SOX6: variants seen among roughly 807,000 people sequenced by gnomAD.
SOX6 encodes the protein SRY-box transcription factor 6, also known as transcription factor SOX-6.
SOX6 carries 11 observed loss-of-function variants against 97.8 expected under a neutral mutation model. The ratio of observed to expected loss-of-function variants is 0.11; its 90% CI spans 0.07 to 0.19. SOX6 has a LOEUF of 0.19. Ranked by LOEUF, SOX6 falls within the 10% of genes least tolerant of loss-of-function variation. SOX6 has a pLI of 1.00. For synonymous variants in SOX6, 360 were observed against 371.4 expected (o/e 0.97, Z 0.35); for missense variants, 810 against 1,039.5 (o/e 0.78, Z 3.04).
intron 3 of SOX6, among the ~76,000 whole-genome samples, chr11:16,690,218 C>T (rs1848002128): frequency 6.6e-6 from 1 of 152,176 alleles, no homozygotes; most frequent in Non-Finnish European, 1.5e-5. Context: ...AGCCTTGTCC[C>T]ATGATTTTTT....
At chr11:16,542,099 T>C (rs1251904408) in intron 4 of SOX6, among the ~76,000 whole-genome samples, 5 of 152,026 alleles carry the variant, frequency 3.3e-5, no homozygotes, top group African/African-American at 1.2e-4. Context: ...ATTAAGAAAA[T>C]ATGGCACATA....
intron 4 of SOX6, among the ~76,000 whole-genome samples, chr11:16,198,440 A>G (rs1445533921): frequency 6.6e-6 from 1 of 152,092 alleles, no homozygotes; most frequent in African/African-American, 2.4e-5. Flanking sequence ...CTCACTTTCT[A>G]ACGTAACTTT....
intron 6 of SOX6, among the ~76,000 whole-genome samples, chr11:16,177,577 C>A (rs1851228956): frequency 6.6e-6 from 1 of 151,156 alleles, no homozygotes; most frequent in Admixed American, 6.6e-5. Context: ...ATTTAAATTC[C>A]AGCTGACTGC....
intron 4 of SOX6, among the ~76,000 whole-genome samples, chr11:16,580,401 T>C (rs1012077879): frequency 5.9e-5 from 9 of 151,860 alleles, no homozygotes; most frequent in South Asian, 2.1e-4. Flanking sequence ...ACAAGGTAAA[T>C]AGGTAATGTT....
intron 4 of SOX6, among the ~76,000 whole-genome samples, chr11:16,594,947 T>C (rs1026179612): frequency 4.6e-5 from 7 of 152,066 alleles, no homozygotes; most frequent in Admixed American, 3.9e-4. Context: ...CCCCTCGGCC[T>C]CCCCGAAGTG....
chr11:16,163,783 C>T (rs1482695445), intron 6 of SOX6, among the ~76,000 whole-genome samples: 1 of 152,210 alleles, frequency 6.6e-6, no homozygotes, highest in African/African-American at 2.4e-5. Flanking sequence ...GCAACCTGCA[C>T]TATCTTCCTC....
chr11:16,088,730 T>C (rs1009787380), intron 9 of SOX6, among the ~76,000 whole-genome samples: 7 of 152,182 alleles, frequency 4.6e-5, no homozygotes, highest in African/African-American at 1.7e-4. Context: ...AATACTTCAT[T>C]CTTTCTTTAA....
intron 4 of SOX6, among the ~76,000 whole-genome samples, chr11:16,556,333 A>T (rs1847748296): frequency 6.6e-6 from 1 of 151,770 alleles, no homozygotes; most frequent in Non-Finnish European, 1.5e-5. Flanking sequence ...AGCTGTACTA[A>T]ATTATTATAT....
chr11:16,032,662 A>G (rs1855409002), intron 12 of SOX6, among the ~76,000 whole-genome samples: 1 of 151,944 alleles, frequency 6.6e-6, no homozygotes, highest in Non-Finnish European at 1.5e-5. Flanking sequence ...CATACATACA[A>G]CCATACATAC....
At chr11:16,092,918 A>T (rs1367637688) in intron 9 of SOX6, among the ~76,000 whole-genome samples, 1 of 151,688 alleles carries the variant, frequency 6.6e-6, no homozygotes, top group Non-Finnish European at 1.5e-5. Flanking sequence ...ATCTAACATC[A>T]TCACTATTTA....
chr11:16,657,614 T>TTGCTGGCATTGTTTGCTGG, intron 3 of SOX6, among the ~76,000 whole-genome samples: 1 of 152,240 alleles, frequency 6.6e-6, no homozygotes, highest in Non-Finnish European at 1.5e-5. Context: ...TCTGGCATTG[T>TTGCTGGCATTGTTTGCTGG]CAAGGTTTTG....
chr11:16,324,611 G>C (rs1856019786), intron 2 of SOX6, among the ~76,000 whole-genome samples: 1 of 152,046 alleles, frequency 6.6e-6, no homozygotes, highest in Admixed American at 6.6e-5. Flanking sequence ...TTGTCCATAT[G>C]TATGGGGTAC....
chr11:16,534,205 G>A (rs1179938809), intron 4 of SOX6, among the ~76,000 whole-genome samples: 1 of 152,030 alleles, frequency 6.6e-6, no homozygotes, highest in African/African-American at 2.4e-5. Flanking sequence ...GGTTGGTGAT[G>A]CAAAAGTCTT....
intron 2 of SOX6, among the ~76,000 whole-genome samples, chr11:16,728,629 C>A (rs1435197068): frequency 6.6e-6 from 1 of 152,090 alleles, no homozygotes; most frequent in Non-Finnish European, 1.5e-5. Context: ...GAGGAAAAAC[C>A]AGTACAAAAA....
At position 15,969,480 on chromosome 11, in the gene SOX6, G is replaced by GA. The variant is rs1853241897; in HGVS notation, c.*3328_*3329insT. ...GGAAATGTCTGGATCTGTGGACAGT[G>GA]GGTTCTGAACTGCATGAGAACCCTG... On this transcript the variant is annotated 3_prime_UTR_variant, in exon 16 of 16. Coordinates refer to ENST00000683767, the MANE Select transcript of SOX6 (RefSeq NM_001367873.1). The GA allele has an allele frequency of 6.6e-6, 1 of 152,132 alleles. No individual in the cohort carries two copies. The highest frequency in any genetic ancestry group is 2.4e-5 in the African/African-American group (1 of 41,444). The allele number at this position is 152,132 out of a possible 1,614,324, so 9.4% of individuals were successfully genotyped here.
intron 2 of SOX6, among the ~76,000 whole-genome samples, chr11:16,727,657 C>T (rs1483836653): frequency 6.6e-6 from 1 of 151,374 alleles, no homozygotes. Context: ...AGGCTGGTCT[C>T]GAATTCCTTA....
chr11:16,038,293 C>A (rs1400376157), intron 12 of SOX6, among the ~76,000 whole-genome samples: 1 of 152,062 alleles, frequency 6.6e-6, no homozygotes, highest in Admixed American at 6.6e-5. Context: ...TTTACTGAAT[C>A]ATCATAACAA....
At chr11:16,660,060 A>C (rs1287747980) in intron 3 of SOX6, among the ~76,000 whole-genome samples, 1 of 151,980 alleles carries the variant, frequency 6.6e-6, no homozygotes, top group Non-Finnish European at 1.5e-5. Context: ...TAATCTTTTC[A>C]AAGAGCCAAC....
At chr11:16,104,987 T>C (rs1440689699) in intron 7 of SOX6, among the ~76,000 whole-genome samples, 3 of 151,934 alleles carry the variant, frequency 2.0e-5, no homozygotes, top group Non-Finnish European at 2.9e-5. Flanking sequence ...TACCAATCCT[T>C]TTCAAACTCT....
Sources: allele counts gnomAD v4.1 joint callset (sites outside exome capture counted in the v4.1 genomes callset), GRCh38; gene constraint gnomAD v4.1.1; transcripts MANE v1.5; gene names NCBI Gene and HGNC (gene_info 2026-07-23, HGNC 2026-07-21).